SIN3A: variants seen among roughly 807,000 people sequenced by gnomAD.
The protein encoded by SIN3A is SIN3 transcription regulator family member A.
In SIN3A, 14 loss-of-function variants were observed where a neutral mutation model predicts 146.1. The ratio of observed to expected loss-of-function variants is 0.10; its 90% confidence interval spans 0.06 to 0.15. The LOEUF (loss-of-function observed/expected upper bound fraction) is 0.15, where lower values mean the gene tolerates loss of function less well. Among genes scored for constraint, SIN3A ranks in the 10% least tolerant of loss-of-function variants. SIN3A has a pLI of 1.00. For missense variants in SIN3A, 1,028 were observed against 1,576.0 expected, an observed-to-expected ratio of 0.65 and a Z score of 5.89; for synonymous variants, 572 against 572.0, an observed-to-expected ratio of 1.00 and a Z score of 0.00.
rs778514857 is a variant in SIN3A at position 75,389,796 on chromosome 15, G to A, written c.2877C>T (p.Tyr959=). The A allele has an allele frequency of 1.2e-6, 2 of 1,614,126 alleles. No individual in the cohort carries two copies. The highest frequency in any genetic ancestry group is 1.7e-6 in the Non-Finnish European group (2 of 1,179,994). The change falls in exon 16 of 21, where the codon TAC becomes TAT. Residue 959 remains tyrosine, a synonymous_variant. Transcript: ENST00000394947. ...TCCGCACCATGTCCAGGAAAGCTGG[G>A]TAATAATCTTCTACATCAACATCCA... ...EPMDVDVEDY[Y]PAFLDMVRSL... is the part of the protein sequence containing the mutation.
At chr15:75,436,781 A>G (rs1440627073) in intron 1 of SIN3A, among the ~76,000 whole-genome samples, 1 of 152,098 alleles carries the variant, frequency 6.6e-6, no homozygotes, top group Non-Finnish European at 1.5e-5. Flanking sequence ...AACAGGAAGA[A>G]AAGCCAACAA....
intron 3 of SIN3A, 69 bp from the exon 4 acceptor site, chr15:75,414,380 A>G: frequency 9.9e-6 from 8 of 806,806 alleles, no homozygotes; most frequent in Non-Finnish European, 1.5e-5. Flanking sequence ...AAAAACAAAA[A>G]CAAATTATTT....
rs2141631985 is a variant in SIN3A at position 75,446,629 on chromosome 15, C to T, written c.-34+4794G>A. ...GCCTCAGCCTCTCAAGTAACTGGGA[C>T]TACAGGCACGCGCCAGCATGCTTGG... On this transcript the variant is annotated intron_variant, in intron 1 of 20. Coordinates refer to ENST00000394947, the MANE Select transcript of SIN3A (RefSeq NM_001145358.2). Among the ~76,000 whole-genome samples, 3 of 151,642 alleles carry T rather than the reference C, an allele frequency of 2.0e-5. No homozygotes were observed. The South Asian group carries it at 6.3e-4, about 32-fold the overall frequency.
At chr15:75,426,118 T>C (rs34608804) in intron 2 of SIN3A, among the ~76,000 whole-genome samples, 4,160 of 152,346 alleles carry the variant, frequency 0.027, 90 homozygotes, top group Non-Finnish European at 0.041. Flanking sequence ...ATAGTTTCCA[T>C]TCGGAAGAAA....
chr15:75,411,346 C>A, intron 6 of SIN3A, 146 bp downstream of exon 6: 4 of 941,668 alleles, frequency 4.2e-6, no homozygotes, highest in Non-Finnish European at 6.3e-6. Flanking sequence ...AACAAACAAA[C>A]AAACTGGCTT....
chr15:75,430,154 C>T (rs766372732), intron 2 of SIN3A, 33 bp downstream of exon 2: 3 of 1,551,156 alleles, frequency 1.9e-6, no homozygotes, highest in Middle Eastern at 1.7e-4. Context: ...TTTCTCTTCC[C>T]TCATTCTAGT....
intron 20 of SIN3A, among the ~76,000 whole-genome samples, chr15:75,373,686 G>C (rs1173369110): frequency 6.6e-6 from 1 of 151,622 alleles, no homozygotes; most frequent in Non-Finnish European, 1.5e-5. Flanking sequence ...GAAATGGGTG[G>C]GTTGTTTGAA....
At chr15:75,411,200 A>T (rs7165469) in intron 6 of SIN3A, among the ~76,000 whole-genome samples, 1 of 151,784 alleles carries the variant, frequency 6.6e-6, no homozygotes, top group African/African-American at 2.4e-5. Flanking sequence ...TGGTGGGCGG[A>T]GCCTGTAATC....
At chr15:75,414,392 T>G in intron 3 of SIN3A, 81 bp from the exon 4 acceptor site, 1 of 610,406 alleles carries the variant, frequency 1.6e-6, no homozygotes, top group East Asian at 3.1e-5. Context: ...AAATTATTTA[T>G]GCCTAAGTAT....
rs1164899896 is a variant in SIN3A, at chr15:75,371,811, G to A, written c.*168C>T. 3 of 616,958 alleles carry A rather than the reference G, an allele frequency of 4.9e-6. No homozygotes were observed. Among genetic ancestry groups the A allele is most frequent in the East Asian group, 5.6e-5 (2 of 35,474 alleles). The allele number at this position is 616,958 out of a possible 1,614,324, so 38.2% of individuals were successfully genotyped here. A position where few individuals can be genotyped will look rare whatever the true frequency, so the allele number is the denominator to read the frequency against. On this transcript the variant is annotated 3_prime_UTR_variant, in exon 21 of 21. Coordinates refer to ENST00000394947, the MANE Select transcript of SIN3A (RefSeq NM_001145358.2). ...AAGGTATTCATGTTCCTAACAGGTA[G>A]CCCACTTGGTGCCAGGCTGCACCAG...
intron 8 of SIN3A, among the ~76,000 whole-genome samples, chr15:75,409,460 C>T (rs560665203): frequency 6.6e-5 from 10 of 152,044 alleles, no homozygotes; most frequent in East Asian, 1.9e-4. Context: ...ACATGACTGC[C>T]GGGCACAGGT....
intron 18 of SIN3A, 66 bp from the exon 19 acceptor site, chr15:75,380,789 A>C (rs1424152420): frequency 1.9e-6 from 2 of 1,069,810 alleles, no homozygotes; most frequent in Non-Finnish European, 2.9e-6. Flanking sequence ...TGCATTGGGC[A>C]CTCTAGTAAA....
At chr15:75,384,502 G>A (rs1319392725) in intron 16 of SIN3A, 65 bp from the exon 17 acceptor site, 6 of 941,268 alleles carry the variant, frequency 6.4e-6, no homozygotes, top group African/African-American at 6.3e-5. Flanking sequence ...TACAGTCAAC[G>A]TTCCTTTGAT....
rs28896475 is a variant in SIN3A, at chr15:75,424,170, T to C, written c.190-1347A>G. ...TAAACCCGCCGGGCGTGGTGGCTCA[T>C]GCCTGTAATCCCAGCACTTTGGGAG... On this transcript the variant is annotated intron_variant, in intron 2 of 20. Coordinates refer to ENST00000394947, the MANE Select transcript of SIN3A (RefSeq NM_001145358.2). Among the ~76,000 whole-genome samples the C allele has an allele frequency of 2.7e-3, 414 of 152,072 alleles. 1 individual carries two copies. Among genetic ancestry groups the C allele is most frequent in the African/African-American group, 9.6e-3 (398 of 41,516 alleles).
chr15:75,390,972 G>C lies in SIN3A; in HGVS notation c.2852-1151C>G, dbSNP rs114591341. On this transcript the variant is annotated intron_variant, in intron 15 of 20. Coordinates refer to ENST00000394947, the MANE Select transcript of SIN3A (RefSeq NM_001145358.2). ...AATTGGTTACTTGCTAGTTGTGTTT[G>C]TGCTGGAGAAAAAAGGCTAGGAGCA... Among the ~76,000 whole-genome samples the C allele has an allele frequency of 4.7e-3, 721 of 152,308 alleles. 5 individuals are homozygous for C. The highest frequency in any genetic ancestry group is 0.017 in the African/African-American group (693 of 41,566).
chr15:75,393,867 G>T (rs1397394919), intron 14 of SIN3A, among the ~76,000 whole-genome samples: 1 of 152,106 alleles, frequency 6.6e-6, no homozygotes, highest in Non-Finnish European at 1.5e-5. Flanking sequence ...GAGTGCAGTG[G>T]CATGTTCTCA....
At chr15:75,451,368 C>T (rs1215590573) in intron 1 of SIN3A, 55 bp downstream of exon 1, 1 of 144,170 alleles carries the variant, frequency 6.9e-6, no homozygotes, top group Non-Finnish European at 1.5e-5. Flanking sequence ...ACCCTCGAGT[C>T]CGGCGTTACC....
intron 16 of SIN3A, among the ~76,000 whole-genome samples, chr15:75,385,689 G>A (rs1421217111): frequency 6.6e-6 from 1 of 152,148 alleles, no homozygotes; most frequent in Non-Finnish European, 1.5e-5. Flanking sequence ...CTATTTTTAG[G>A]AAGACACATT....
chr15:75,395,008 A>G, intron 13 of SIN3A, 145 bp from the exon 14 acceptor site: 3 of 657,348 alleles, frequency 4.6e-6, no homozygotes, highest in African/African-American at 1.8e-5. Flanking sequence ...GATGCTATCA[A>G]ACCAGTCTTG....
Sources: allele counts gnomAD v4.1 joint callset (sites outside exome capture counted in the v4.1 genomes callset), GRCh38; gene constraint gnomAD v4.1.1; transcripts MANE v1.5; gene names NCBI Gene and HGNC (gene_info 2026-07-23, HGNC 2026-07-21).